The following TAFA1 variants were observed in gnomAD, a reference collection of about 807,000 sequenced individuals.
The protein encoded by TAFA1 is TAFA chemokine like family member 1.
TAFA1 carries 4 observed loss-of-function variants against 18.5 expected under a neutral mutation model. That is an observed-to-expected ratio of 0.22 (90% CI 0.11 to 0.49). The LOEUF is 0.49. Ranked by LOEUF, TAFA1 falls within the 20% of genes least tolerant of loss-of-function variation. The pLI is 0.98. For synonymous variants in TAFA1, 56 were observed against 55.2 expected (o/e 1.01, Z -0.06); for missense variants, 147 against 169.0 (o/e 0.87, Z 0.72).
intron 3 of TAFA1, among the ~76,000 whole-genome samples, chr3:68,516,501 C>G (rs1458456513): frequency 6.6e-6 from 1 of 152,022 alleles, no homozygotes; most frequent in Non-Finnish European, 1.5e-5. Flanking sequence ...TTATAGTTTC[C>G]TTTGTGTATA....
intron 2 of TAFA1, among the ~76,000 whole-genome samples, chr3:68,289,549 A>G (rs930173560): frequency 5.7e-5 from 8 of 141,226 alleles, no homozygotes; most frequent in African/African-American, 2.2e-4. Context: ...GCTATTTTAT[A>G]AAGACCTTCT....
At chr3:68,428,623 A>G (rs547124357) in intron 3 of TAFA1, among the ~76,000 whole-genome samples, 1 of 151,826 alleles carries the variant, frequency 6.6e-6, no homozygotes, top group Non-Finnish European at 1.5e-5. Flanking sequence ...CACCCTCCCC[A>G]TTTCACCTGT....
At chr3:68,403,181 C>T (rs1052193494) in intron 2 of TAFA1, among the ~76,000 whole-genome samples, 3 of 152,134 alleles carry the variant, frequency 2.0e-5, no homozygotes, top group African/African-American at 7.2e-5. Context: ...GTAGGCTATA[C>T]CATCTAGGTT....
chr3:68,127,744 A>C (rs1344981423), intron 2 of TAFA1, among the ~76,000 whole-genome samples: 1 of 94,272 alleles, frequency 1.1e-5, no homozygotes, highest in Admixed American at 1.1e-4. Context: ...GGTGGTGATG[A>C]TGGTAGCGGT....
At chr3:68,305,699 G>A (rs191876749) in intron 2 of TAFA1, among the ~76,000 whole-genome samples, 1 of 151,842 alleles carries the variant, frequency 6.6e-6, no homozygotes, top group Non-Finnish European at 1.5e-5. Context: ...TATACCTCTA[G>A]TGGGTTTTCA....
At chr3:68,089,172 G>A (rs2065004193) in intron 2 of TAFA1, among the ~76,000 whole-genome samples, 2 of 152,266 alleles carry the variant, frequency 1.3e-5, no homozygotes, top group South Asian at 4.2e-4. Context: ...AAACTCAAGA[G>A]AAAGTTCAGG....
At chr3:68,130,616 C>T (rs2065524273) in intron 2 of TAFA1, among the ~76,000 whole-genome samples, 1 of 152,214 alleles carries the variant, frequency 6.6e-6, no homozygotes, top group African/African-American at 2.4e-5. Context: ...TGTGCCACTG[C>T]CTACAAAGCC....
chr3:68,174,393 A>T (rs1293686388), intron 2 of TAFA1, among the ~76,000 whole-genome samples: 1 of 152,148 alleles, frequency 6.6e-6, no homozygotes, highest in African/African-American at 2.4e-5. Flanking sequence ...AATGTGGGAA[A>T]GTTTGGAACT....
chr3:68,345,032 CA>C (rs551579012), intron 2 of TAFA1, among the ~76,000 whole-genome samples: 222 of 140,994 alleles, frequency 1.6e-3, no homozygotes, highest in Middle Eastern at 3.8e-3. Flanking sequence ...GGCCCTATCT[CA>C]AAAAAAAAAA....
chr3:68,260,906 C>T (rs960214110), intron 2 of TAFA1, among the ~76,000 whole-genome samples: 125 of 152,058 alleles, frequency 8.2e-4, no homozygotes, highest in African/African-American at 2.9e-3. Flanking sequence ...CAACAAAAGC[C>T]AAAATTGACA....
intron 3 of TAFA1, among the ~76,000 whole-genome samples, chr3:68,447,697 C>T (rs1559674113): frequency 6.6e-6 from 1 of 152,200 alleles, no homozygotes; most frequent in East Asian, 1.9e-4. Flanking sequence ...GACTCATGAA[C>T]TGAATAATGC....
At chr3:68,509,559 T>G (rs2106726159) in intron 3 of TAFA1, among the ~76,000 whole-genome samples, 1 of 152,248 alleles carries the variant, frequency 6.6e-6, no homozygotes, top group South Asian at 2.1e-4. Flanking sequence ...ATAGATATGC[T>G]TATGGGCAAG....
intron 2 of TAFA1, among the ~76,000 whole-genome samples, chr3:68,079,836 G>C (rs971207855): frequency 6.6e-6 from 1 of 152,114 alleles, no homozygotes; most frequent in Non-Finnish European, 1.5e-5. Context: ...GGTCGGCTTG[G>C]TGCAGAGCTG....
At chr3:68,467,065 G>A (rs2071901120) in intron 3 of TAFA1, among the ~76,000 whole-genome samples, 1 of 152,040 alleles carries the variant, frequency 6.6e-6, no homozygotes, top group African/African-American at 2.4e-5. Flanking sequence ...ACCCATTTTC[G>A]GTAATAAGAG....
chr3:68,136,318 G>A (rs531403258), intron 2 of TAFA1, among the ~76,000 whole-genome samples: 3 of 152,224 alleles, frequency 2.0e-5, no homozygotes, highest in South Asian at 2.1e-4. Context: ...ATTAGGGTTC[G>A]GTTAAATATG....
At chr3:68,049,840 T>C (rs1309317209) in intron 2 of TAFA1, among the ~76,000 whole-genome samples, 1 of 152,042 alleles carries the variant, frequency 6.6e-6, no homozygotes, top group Non-Finnish European at 1.5e-5. Flanking sequence ...CTCAAATGGC[T>C]TTCATCCCGC....
At chr3:68,316,660 A>G (rs772517607) in intron 2 of TAFA1, among the ~76,000 whole-genome samples, 1 of 152,168 alleles carries the variant, frequency 6.6e-6, no homozygotes, top group African/African-American at 2.4e-5. Context: ...TTTTTATAAC[A>G]AATATTTATT....
At chr3:68,015,541 G>A (rs1704553793) in intron 2 of TAFA1, among the ~76,000 whole-genome samples, 1 of 152,098 alleles carries the variant, frequency 6.6e-6, no homozygotes. Flanking sequence ...GCCCACTTAG[G>A]CCTCCCAACG....
At chr3:68,509,115 A>G (rs2072809222) in intron 3 of TAFA1, among the ~76,000 whole-genome samples, 1 of 152,106 alleles carries the variant, frequency 6.6e-6, no homozygotes, top group African/African-American at 2.4e-5. Flanking sequence ...GAAAATTAAT[A>G]TTCATTGAGC....
Sources: gnomAD v4.1 joint callset for allele counts (sites outside exome capture counted in the v4.1 genomes callset) on GRCh38, gnomAD v4.1.1 for gene constraint, MANE v1.5 for transcripts, NCBI Gene and HGNC (gene_info 2026-07-23, HGNC 2026-07-21) for gene names.